The following MEMO1 variants were observed in gnomAD, a reference collection of about 807,000 sequenced individuals.
MEMO1 encodes protein MEMO1.
Under a neutral mutation model 45.2 loss-of-function variants are expected in MEMO1, and 6 were observed. The ratio of observed to expected loss-of-function variants is 0.13; its 90% CI spans 0.07 to 0.26. The LOEUF is 0.26. Among genes scored for constraint, MEMO1 ranks in the 10% least tolerant of loss-of-function variants. The pLI is 1.00. For missense variants in MEMO1, 184 were observed against 370.5 expected (o/e 0.50, Z 4.13); for synonymous variants, 78 against 124.3 (o/e 0.63, Z 2.48).
intron 6 of MEMO1, among the ~76,000 whole-genome samples, chr2:31,894,432 T>C (rs1465797332): frequency 6.6e-6 from 1 of 152,190 alleles, no homozygotes; most frequent in African/African-American, 2.4e-5. Context: ...ATTGCTGTTG[T>C]TGGGGTGAGC....
intron 7 of MEMO1, among the ~76,000 whole-genome samples, chr2:31,886,001 T>G (rs1257263879): frequency 1.3e-5 from 2 of 152,172 alleles, no homozygotes; most frequent in African/African-American, 2.4e-5. Flanking sequence ...AAAAACTGCT[T>G]CTGAAGGAAA....
chr2:31,961,974 T>A (rs1325406364), intron 2 of MEMO1, among the ~76,000 whole-genome samples: 2 of 151,980 alleles, frequency 1.3e-5, no homozygotes, highest in Non-Finnish European at 2.9e-5. Flanking sequence ...TAAGACCAAG[T>A]CATTCCCAAT....
intron 2 of MEMO1, among the ~76,000 whole-genome samples, chr2:31,994,256 C>T (rs72861000): frequency 0.12 from 18,525 of 151,474 alleles, 1,225 homozygotes; most frequent in Middle Eastern, 0.2. Flanking sequence ...CCACCACACC[C>T]GGCCACCTCA....
intron 2 of MEMO1, among the ~76,000 whole-genome samples, chr2:32,005,475 T>C (rs1366706546): frequency 1.3e-5 from 2 of 152,310 alleles, no homozygotes; most frequent in Non-Finnish European, 2.9e-5. Flanking sequence ...GATGTGTTTC[T>C]TGAGTTGAAT....
chr2:31,918,482 G>A (rs1267825591), intron 5 of MEMO1, among the ~76,000 whole-genome samples: 2 of 152,178 alleles, frequency 1.3e-5, no homozygotes, highest in East Asian at 3.9e-4. Context: ...AACTCATGAG[G>A]TCAAAAGCAC....
Position 31,932,210 on chromosome 2 carries a change from T to C in MEMO1, c.144-75A>G. 7 of 1,219,326 alleles carry C rather than the reference T, an allele frequency of 5.7e-6. No homozygotes were observed. In the South Asian group the frequency reaches 8.7e-5, roughly 15 times the overall value. The allele number at this position is 1,219,326 out of a possible 1,614,324, so 75.5% of individuals were successfully genotyped here. On this transcript the variant is annotated intron_variant, in intron 3 of 9. Transcript: ENST00000404530. Reference sequence around the variant, plus strand: ...TATTCTAGAAAGAAAAACCTTGAAATAAATACAGTACCTATGGTAAACACA... The same window carrying C: ...TATTCTAGAAAGAAAAACCTTGAAACAAATACAGTACCTATGGTAAACACA...
intron 2 of MEMO1, among the ~76,000 whole-genome samples, chr2:31,996,818 A>G (rs1672676323): frequency 6.6e-6 from 1 of 151,900 alleles, no homozygotes; most frequent in Admixed American, 6.6e-5. Context: ...GCAGCCTCGA[A>G]CTCCTGGGCT....
intron 4 of MEMO1, among the ~76,000 whole-genome samples, chr2:31,927,230 G>C (rs1023996772): frequency 6.6e-6 from 1 of 152,146 alleles, no homozygotes; most frequent in African/African-American, 2.4e-5. Context: ...TGAGGCAGGA[G>C]AATCACTTGA....
At chr2:31,882,989 G>A (rs892213494) in intron 8 of MEMO1, among the ~76,000 whole-genome samples, 3 of 151,932 alleles carry the variant, frequency 2.0e-5, no homozygotes, top group African/African-American at 4.8e-5. Context: ...GGAGTCAAAA[G>A]AAGGACTCAA....
chr2:31,989,569 G>C (rs1028796698), intron 2 of MEMO1, among the ~76,000 whole-genome samples: 1 of 152,158 alleles, frequency 6.6e-6, no homozygotes, highest in Non-Finnish European at 1.5e-5. Flanking sequence ...AAACCAACTA[G>C]ATTCATAGAT....
intron 4 of MEMO1, among the ~76,000 whole-genome samples, chr2:31,927,165 C>A (rs1683236971): frequency 6.6e-6 from 1 of 151,958 alleles, no homozygotes; most frequent in South Asian, 2.1e-4. Context: ...CCTAAAAATT[C>A]AAAAATTAGC....
At chr2:31,911,018 A>T (rs1388675690) in intron 6 of MEMO1, among the ~76,000 whole-genome samples, 1 of 152,122 alleles carries the variant, frequency 6.6e-6, no homozygotes, top group Non-Finnish European at 1.5e-5. Context: ...AAACCAGAGA[A>T]GGCAGGAAAA....
Position 31,920,848 on chromosome 2 carries a change from C to A in MEMO1, c.275G>T (p.Ser92Ile). 6.2e-7 allele frequency: 1 copy of A among 1,612,122 alleles called. No homozygotes were observed. The highest frequency in any genetic ancestry group is 8.5e-7 in the Non-Finnish European group (1 of 1,179,258). ...CAGAGGTGTCCTATATATATCCACA[C>A]TGGAAAGTGCACATCGAGAGAGGGG... ...HVPLSRCALSSVDIYRTPLYD... is the reference protein window; with the variant it reads ...HVPLSRCALSIVDIYRTPLYD... Residue 92 changes from serine (S) to isoleucine (I), a missense_variant, in exon 5 of 10, where the codon AGT becomes ATT. This residue lies in a region of MEMO1 where 60 missense variants were observed against 79.2 expected (regional missense o/e 0.76). Transcript: ENST00000404530.
At chr2:31,943,411 GT>G (rs769897970) in intron 2 of MEMO1, 28 bp from the exon 3 acceptor site, 2 of 1,542,956 alleles carry the variant, frequency 1.3e-6, no homozygotes, top group Non-Finnish European at 1.8e-6. Flanking sequence ...CAAAATTAGA[GT>G]CAGCAAAGCA....
intron 2 of MEMO1, among the ~76,000 whole-genome samples, chr2:32,009,793 G>A (rs1449472559): frequency 6.6e-6 from 1 of 152,134 alleles, no homozygotes; most frequent in Non-Finnish European, 1.5e-5. Flanking sequence ...CGGGCACACC[G>A]TCCTTCCCGG....
intron 3 of MEMO1, among the ~76,000 whole-genome samples, chr2:31,939,017 T>A (rs972847786): frequency 6.6e-6 from 1 of 151,320 alleles, no homozygotes; most frequent in African/African-American, 2.4e-5. Flanking sequence ...ACTCCTGAGC[T>A]CAAGCATCTT....
intron 6 of MEMO1, among the ~76,000 whole-genome samples, chr2:31,911,784 G>A (rs1047696974): frequency 6.6e-6 from 1 of 152,038 alleles, no homozygotes; most frequent in African/African-American, 2.4e-5. Flanking sequence ...GGGACCACAG[G>A]TGTGCACCAC....
intron 2 of MEMO1, among the ~76,000 whole-genome samples, chr2:31,990,559 TA>T (rs1479238405): frequency 4.0e-5 from 6 of 150,114 alleles, no homozygotes; most frequent in African/African-American, 9.8e-5. Context: ...TCAAGCCATC[TA>T]AATTTTTTTT....
At chr2:31,994,865 T>C (rs1013954944) in intron 2 of MEMO1, among the ~76,000 whole-genome samples, 4 of 151,606 alleles carry the variant, frequency 2.6e-5, no homozygotes, top group Non-Finnish European at 4.4e-5. Context: ...GGAGGATCAA[T>C]TGAGCCCTGG....
Sources: gnomAD v4.1 joint callset for allele counts (sites outside exome capture counted in the v4.1 genomes callset) on GRCh38, gnomAD v4.1.1 for gene constraint, gnomAD v4.1.1 regional missense constraint, MANE v1.5 for transcripts, NCBI Gene and HGNC (gene_info 2026-07-23, HGNC 2026-07-21) for gene names.